The following NF1 variants were observed in gnomAD, a reference collection of about 807,000 sequenced individuals.
The protein encoded by NF1 is neurofibromin.
A neutral mutation model predicts 325.7 loss-of-function variants in NF1; 122 were observed. That is an observed-to-expected ratio of 0.37 (90% confidence interval 0.32 to 0.44). The LOEUF is 0.44. Among genes scored for constraint, NF1 ranks in the 20% least tolerant of loss-of-function variants. The probability of loss-of-function intolerance (pLI) is 1.00; values close to 1 mark genes in which losing one functional copy is unlikely to be tolerated. For synonymous variants in NF1, 1,091 were observed against 1,186.0 expected, an observed-to-expected ratio of 0.92 and a Z score of 1.65; for missense variants, 2,140 against 3,415.4, an observed-to-expected ratio of 0.63 and a Z score of 9.31.
Position 31,318,653 on chromosome 17 carries a change from A to C in NF1, c.4836-7167A>C, listed in dbSNP as rs1483510384. ...TTTTCCGCACAGACATCCTTTTTGA[A>C]AATTTCACCATGACTTTTGCTTGTG... On this transcript the variant is annotated intron_variant, in intron 36 of 57. Transcript: ENST00000358273. The C allele has an allele frequency of 1.2e-6, 2 of 1,613,984 alleles. No individual in the cohort carries two copies. The highest frequency in any genetic ancestry group is 2.7e-5 in the African/African-American group (2 of 74,932).
At chr17:31,346,915 C>T (rs28488050) in intron 48 of NF1, among the ~76,000 whole-genome samples, 4 of 146,480 alleles carry the variant, frequency 2.7e-5, no homozygotes, top group Non-Finnish European at 5.9e-5. Flanking sequence ...TAACTGAGAG[C>T]GATGGGGCTA....
At chr17:31,190,308 C>T (rs2066320816) in intron 8 of NF1, among the ~76,000 whole-genome samples, 1 of 152,090 alleles carries the variant, frequency 6.6e-6, no homozygotes, top group East Asian at 1.9e-4. Flanking sequence ...CTTTTCTACT[C>T]ACATTCCTTC....
intron 29 of NF1, among the ~76,000 whole-genome samples, chr17:31,242,604 A>G (rs2067319552): frequency 6.6e-6 from 1 of 151,970 alleles, no homozygotes; most frequent in Admixed American, 6.5e-5. Context: ...TGTCAGCTGC[A>G]TTTTTCGTCT....
intron 29 of NF1, among the ~76,000 whole-genome samples, chr17:31,243,569 G>T (rs8068801): frequency 0.43 from 65,290 of 151,282 alleles, 16,418 homozygotes; most frequent in African/African-American, 0.7. Flanking sequence ...CTCAAGCAGA[G>T]GAGTCTTTTC....
At chr17:31,283,551 C>A (rs1198467832) in intron 36 of NF1, among the ~76,000 whole-genome samples, 1 of 152,094 alleles carries the variant, frequency 6.6e-6, no homozygotes, top group Non-Finnish European at 1.5e-5. Context: ...CCTCCCTGGG[C>A]TCAAGTGATC....
intron 1 of NF1, among the ~76,000 whole-genome samples, chr17:31,123,007 C>T (rs780209076): frequency 7.9e-5 from 12 of 152,158 alleles, no homozygotes; most frequent in Non-Finnish European, 1.5e-4. Flanking sequence ...ATAGCTGAAG[C>T]TTCTGGCTTG....
At chr17:31,098,420 A>G (rs1319385672) in intron 1 of NF1, among the ~76,000 whole-genome samples, 1 of 151,882 alleles carries the variant, frequency 6.6e-6, no homozygotes, top group Non-Finnish European at 1.5e-5. Context: ...GCTGGAGTGC[A>G]ATGATGCGAC....
At chr17:31,357,143 A>G (rs2070292305) in intron 53 of NF1, 53 bp downstream of exon 53, 1 of 1,609,912 alleles carries the variant, frequency 6.2e-7, no homozygotes, top group Non-Finnish European at 8.5e-7. Context: ...ATTCCAGTCT[A>G]CTTTTAGGAG....
Position 31,097,335 on chromosome 17 carries a change from GT to G in NF1, c.60+1967del, listed in dbSNP as rs530056515. Among the ~76,000 whole-genome samples, 335 of 152,028 alleles carry G rather than the reference GT, an allele frequency of 2.2e-3. 3 individuals are homozygous for G. Among genetic ancestry groups the G allele is most frequent in the Non-Finnish European group, 2.8e-4 (19 of 67,988 alleles). ...TAGCTGGGCATGGTGGCGGGCGCCTGTAATCCCAGCTACTCGGGAGGCTGAG... is the reference window on the plus strand; with the variant it reads ...TAGCTGGGCATGGTGGCGGGCGCCTGAATCCCAGCTACTCGGGAGGCTGAG... On this transcript the variant is annotated intron_variant, in intron 1 of 57. Coordinates refer to ENST00000358273, the MANE Select transcript of NF1 (RefSeq NM_001042492.3).
At chr17:31,221,982 T>C in intron 15 of NF1, 53 bp downstream of exon 15, 1 of 1,519,338 alleles carries the variant, frequency 6.6e-7, no homozygotes, top group African/African-American at 1.4e-5. Context: ...TTTTGTATTT[T>C]TGTCTTGAAA....
chr17:31,250,306 T>G (rs544786570), intron 30 of NF1: 78 of 231,702 alleles, frequency 3.4e-4, no homozygotes, highest in Non-Finnish European at 6.3e-4. Flanking sequence ...GAATATCTTC[T>G]CAAGTTTGGG....
chr17:31,166,844 G>C (rs1001436362), intron 4 of NF1, among the ~76,000 whole-genome samples: 3 of 152,084 alleles, frequency 2.0e-5, no homozygotes, highest in Admixed American at 6.5e-5. Flanking sequence ...AGGTTAAGGA[G>C]ATCAAAAACC....
chr17:31,343,735 C>A (rs1160566656), intron 48 of NF1, among the ~76,000 whole-genome samples: 1 of 152,144 alleles, frequency 6.6e-6, no homozygotes, highest in Admixed American at 6.6e-5. Context: ...GCAGAAGGAT[C>A]TCTTGAGCTT....
intron 4 of NF1, among the ~76,000 whole-genome samples, chr17:31,168,910 C>T (rs1459895317): frequency 1.3e-5 from 2 of 152,132 alleles, no homozygotes; most frequent in East Asian, 3.9e-4. Flanking sequence ...AAAATTGTGA[C>T]TTCTATGAAA....
At chr17:31,344,044 T>C (rs1278968065) in intron 48 of NF1, among the ~76,000 whole-genome samples, 1 of 152,064 alleles carries the variant, frequency 6.6e-6, no homozygotes, top group Non-Finnish European at 1.5e-5. Context: ...AATACCTAAG[T>C]ATCTTACTGA....
At chr17:31,356,824 A>G in intron 52 of NF1, 136 bp from the exon 53 acceptor site, 1 of 1,346,494 alleles carries the variant, frequency 7.4e-7, no homozygotes, top group East Asian at 2.3e-5. Flanking sequence ...GGCGAATAGT[A>G]ATTCTCTATG....
At chr17:31,323,854 C>T (rs994725498) in intron 36 of NF1, among the ~76,000 whole-genome samples, 5 of 152,086 alleles carry the variant, frequency 3.3e-5, no homozygotes, top group Non-Finnish European at 5.9e-5. Context: ...TCTCCTTTGT[C>T]TTAATAACAG....
chr17:31,162,320 T>C (rs1187592694), intron 3 of NF1, among the ~76,000 whole-genome samples: 5 of 151,918 alleles, frequency 3.3e-5, no homozygotes, highest in Admixed American at 3.3e-4. Flanking sequence ...CTACTAAAAA[T>C]ACAAAAATTA....
At chr17:31,191,009 C>G (rs1434164565) in intron 8 of NF1, among the ~76,000 whole-genome samples, 1 of 152,132 alleles carries the variant, frequency 6.6e-6, no homozygotes, top group Non-Finnish European at 1.5e-5. Flanking sequence ...ATCAGAACAT[C>G]ATGTTGTACA....
Sources: gnomAD v4.1 joint callset for allele counts (sites outside exome capture counted in the v4.1 genomes callset) on GRCh38, gnomAD v4.1.1 for gene constraint, MANE v1.5 for transcripts, NCBI Gene and HGNC (gene_info 2026-07-23, HGNC 2026-07-21) for gene names.